Variants in KCTD16 observed in about 807,000 individuals in gnomAD.
KCTD16 encodes the protein potassium channel tetramerization domain containing 16.
A neutral mutation model predicts 33.2 loss-of-function variants in KCTD16; 13 were observed. The observed-to-expected ratio is 0.39, with a 90% CI of 0.25 to 0.62. KCTD16 has a LOEUF of 0.62. Among genes scored for constraint, KCTD16 ranks in the 20% least tolerant of loss-of-function variants. The pLI, the probability that KCTD16 is intolerant of heterozygous loss-of-function variation, is 0.50. For synonymous variants in KCTD16, 197 were observed against 195.3 expected, an observed-to-expected ratio of 1.01 and a Z score of -0.07; for missense variants, 441 against 525.1, an observed-to-expected ratio of 0.84 and a Z score of 1.57.
intron 3 of KCTD16, among the ~76,000 whole-genome samples, chr5:144,254,637 G>T (rs1032879874): frequency 6.6e-6 from 1 of 152,132 alleles, no homozygotes; most frequent in African/African-American, 2.4e-5. Context: ...TTATTTGAGT[G>T]AAACTTTATG....
chr5:144,306,552 T>C (rs1269840977), intron 3 of KCTD16, among the ~76,000 whole-genome samples: 2 of 152,232 alleles, frequency 1.3e-5, no homozygotes, highest in African/African-American at 4.8e-5. Flanking sequence ...GTCTTTATCA[T>C]GCAGTGGGCT....
intron 3 of KCTD16, among the ~76,000 whole-genome samples, chr5:144,248,242 A>C (rs1754603009): frequency 6.6e-6 from 1 of 152,218 alleles, no homozygotes; most frequent in East Asian, 1.9e-4. Context: ...TGTCATTGAG[A>C]AGAGGCAATT....
chr5:144,210,886 G>T (rs993386171), intron 3 of KCTD16, among the ~76,000 whole-genome samples: 3 of 152,100 alleles, frequency 2.0e-5, no homozygotes, highest in African/African-American at 7.2e-5. Context: ...CTCTAATAAA[G>T]CTGTGATAAC....
At chr5:144,188,246 A>C (rs1193237120) in intron 2 of KCTD16, among the ~76,000 whole-genome samples, 1 of 152,200 alleles carries the variant, frequency 6.6e-6, no homozygotes. Context: ...TGGTACTTAC[A>C]AAAAGCTAAT....
chr5:144,474,275 T>C lies in KCTD16; in HGVS notation c.*161T>C, dbSNP rs1188831970. ...ACTGCCTACTTTACCTAGTTCACCT[T>C]AACATGTAAATCCACAGGGTAGATT... is the stretch of plus-strand genomic sequence containing the variant. On this transcript the variant is annotated 3_prime_UTR_variant, in exon 4 of 4. Transcript: ENST00000512467. 1.7e-6 allele frequency: 1 copy of C among 602,926 alleles called. No homozygotes were observed. The highest frequency in any genetic ancestry group is 2.9e-6 in the Non-Finnish European group (1 of 347,902). The allele number at this position is 602,926 out of a possible 1,614,324, so 37.3% of individuals were successfully genotyped here.
At chr5:144,350,529 C>A (rs981300226) in intron 3 of KCTD16, among the ~76,000 whole-genome samples, 6 of 152,088 alleles carry the variant, frequency 3.9e-5, no homozygotes, top group African/African-American at 1.4e-4. Flanking sequence ...AGTTTTTAAT[C>A]CCATATTGCC....
Position 144,473,994 on chromosome 5 carries a change from C to G in KCTD16, c.1167C>G (p.Leu389=), listed in dbSNP as rs1415742417. The change falls in exon 4 of 4, where the codon CTC becomes CTG. Residue 389 remains leucine (L), a synonymous_variant. Coordinates refer to ENST00000512467, the MANE Select transcript of KCTD16 (RefSeq NM_020768.4). ...SSKKKAVKEK[L]SIEEELEKCI... is the part of the protein sequence containing the mutation. ...AAAAAAAAGCTGTTAAAGAAAAGCT[C>G]TCAATTGAGGAGGAGCTGGAGAAAT... is the stretch of plus-strand genomic sequence containing the variant. 2 of 1,614,018 alleles carry G rather than the reference C, an allele frequency of 1.2e-6. No individual in the cohort carries two copies. The highest frequency in any genetic ancestry group is 1.1e-5 in the South Asian group (1 of 91,066).
At chr5:144,184,693 T>C (rs1172891254) in intron 2 of KCTD16, among the ~76,000 whole-genome samples, 1 of 152,250 alleles carries the variant, frequency 6.6e-6, no homozygotes, top group Non-Finnish European at 1.5e-5. Flanking sequence ...TCTTTCTTCC[T>C]TCTTGTAGTG....
At chr5:144,189,158 T>C (rs1203615155) in intron 2 of KCTD16, among the ~76,000 whole-genome samples, 2 of 152,178 alleles carry the variant, frequency 1.3e-5, no homozygotes, top group Non-Finnish European at 2.9e-5. Flanking sequence ...GCTCTTAACC[T>C]ACTTGGAGAA....
At chr5:144,435,734 T>C (rs1232398016) in intron 3 of KCTD16, among the ~76,000 whole-genome samples, 1 of 152,166 alleles carries the variant, frequency 6.6e-6, no homozygotes, top group Non-Finnish European at 1.5e-5. Context: ...AATTTCCTTC[T>C]CTTTGTGCTT....
intron 3 of KCTD16, among the ~76,000 whole-genome samples, chr5:144,398,549 C>T (rs1752629896): frequency 6.6e-6 from 1 of 152,158 alleles, no homozygotes; most frequent in African/African-American, 2.4e-5. Flanking sequence ...CCAGCATGAG[C>T]TCTAGAAATA....
intron 3 of KCTD16, among the ~76,000 whole-genome samples, chr5:144,210,529 C>A (rs1323520775): frequency 1.3e-5 from 2 of 152,152 alleles, no homozygotes; most frequent in Non-Finnish European, 2.9e-5. Flanking sequence ...ACTTTCCCAA[C>A]CAACTGACTG....
At chr5:144,229,415 G>A (rs1425487134) in intron 3 of KCTD16, among the ~76,000 whole-genome samples, 2 of 152,088 alleles carry the variant, frequency 1.3e-5, no homozygotes, top group Non-Finnish European at 2.9e-5. Context: ...AGCTTATGGA[G>A]GGTCAATGAA....
In KCTD16 at chr5:144,350,163, A is replaced by G. The variant is rs553697102; in HGVS notation, c.833-123497A>G. Among the ~76,000 whole-genome samples the G allele has an allele frequency of 1.4e-4, 21 of 152,318 alleles. No individual in the cohort carries two copies. In the South Asian group the frequency reaches 3.7e-3, roughly 27 times the overall value. On this transcript the variant is annotated intron_variant, in intron 3 of 3. Transcript: ENST00000512467. ...CCTGTAGGTATTTTAGTTTTTAAATACTAGCATTAAGAAAGCCCTGAGTGG... is the reference window on the plus strand; with the variant it reads ...CCTGTAGGTATTTTAGTTTTTAAATGCTAGCATTAAGAAAGCCCTGAGTGG...
At chr5:144,328,522 AT>A (rs973456390) in intron 3 of KCTD16, among the ~76,000 whole-genome samples, 4 of 147,346 alleles carry the variant, frequency 2.7e-5, no homozygotes, top group South Asian at 2.2e-4. Flanking sequence ...TATTTTTTTT[AT>A]TTTTTTTTAT....
At chr5:144,351,698 A>G (rs1465233367) in intron 3 of KCTD16, among the ~76,000 whole-genome samples, 1 of 152,200 alleles carries the variant, frequency 6.6e-6, no homozygotes, top group Non-Finnish European at 1.5e-5. Flanking sequence ...TATACTGTAT[A>G]TACACAATGG....
At chr5:144,314,446 A>G (rs918548302) in intron 3 of KCTD16, among the ~76,000 whole-genome samples, 3 of 152,156 alleles carry the variant, frequency 2.0e-5, no homozygotes, top group African/African-American at 4.8e-5. Flanking sequence ...TTGGCAAGAA[A>G]CTACAAAAGT....
intron 2 of KCTD16, among the ~76,000 whole-genome samples, chr5:144,175,587 G>A (rs1752487937): frequency 6.6e-6 from 1 of 152,194 alleles, no homozygotes; most frequent in Non-Finnish European, 1.5e-5. Context: ...CATTAGTCAT[G>A]TATGTTAATT....
At chr5:144,288,067 C>A (rs1156316821) in intron 3 of KCTD16, among the ~76,000 whole-genome samples, 2 of 151,938 alleles carry the variant, frequency 1.3e-5, no homozygotes, top group African/African-American at 4.8e-5. Context: ...GCAGAATAGC[C>A]CCTCACTCTA....
Sources: allele counts gnomAD v4.1 joint callset (sites outside exome capture counted in the v4.1 genomes callset), GRCh38; gene constraint gnomAD v4.1.1; transcripts MANE v1.5; gene names NCBI Gene and HGNC (gene_info 2026-07-23, HGNC 2026-07-21).